Variants in ADAM22 observed in about 807,000 individuals in gnomAD.
The protein encoded by ADAM22 is disintegrin and metalloproteinase domain-containing protein 22.
ADAM22 carries 65 observed loss-of-function variants against 144.6 expected under a neutral mutation model. The observed-to-expected ratio is 0.45, with a 90% confidence interval of 0.37 to 0.55. The LOEUF is 0.55. Ranked by LOEUF, ADAM22 falls within the 20% of genes least tolerant of loss-of-function variation. The pLI, the probability that ADAM22 is intolerant of heterozygous loss-of-function variation, is 0.00. For missense variants in ADAM22, 974 were observed against 1,184.9 expected (o/e 0.82, Z 2.61); for synonymous variants, 391 against 412.6 (o/e 0.95, Z 0.63).
chr7:87,961,541 A>G (rs1479443968), intron 2 of ADAM22, among the ~76,000 whole-genome samples: 2 of 152,198 alleles, frequency 1.3e-5, no homozygotes, highest in Non-Finnish European at 2.9e-5. Context: ...TATTACTTCC[A>G]TGCACTTAAA....
intron 3 of ADAM22, among the ~76,000 whole-genome samples, chr7:87,997,548 C>T (rs1331355629): frequency 6.6e-6 from 1 of 152,204 alleles, no homozygotes; most frequent in African/African-American, 2.4e-5. Context: ...AGGTTGTTGG[C>T]ACAATTCAGT....
intron 2 of ADAM22, among the ~76,000 whole-genome samples, chr7:87,944,383 C>T (rs1431287439): frequency 2.0e-5 from 3 of 152,132 alleles, no homozygotes; most frequent in African/African-American, 7.2e-5. Flanking sequence ...GGAAGAGCTA[C>T]CACTTGACAG....
Position 88,151,049 on chromosome 7 carries a change from T to A in ADAM22, c.1617+18T>A. On this transcript the variant is annotated intron_variant, in intron 19 of 31. Coordinates refer to ENST00000413139, the MANE Select transcript of ADAM22 (RefSeq NM_001324418.2). ...GTGTTCAGGTAGGTCACTTCATTTT[T>A]ACCTATGTTTTTCACATGTACCAGC... 1 of 1,610,940 alleles carries A rather than the reference T, an allele frequency of 6.2e-7. No homozygotes were observed. The highest frequency in any genetic ancestry group is 8.5e-7 in the Non-Finnish European group (1 of 1,177,438).
chr7:88,046,983 C>G (rs1004186965), intron 3 of ADAM22, among the ~76,000 whole-genome samples: 7 of 152,170 alleles, frequency 4.6e-5, no homozygotes, highest in Admixed American at 2.0e-4. Context: ...GGGAATACAT[C>G]TTGGTGTAAT....
At chr7:88,091,419 C>T (rs1819811718) in intron 4 of ADAM22, among the ~76,000 whole-genome samples, 1 of 152,084 alleles carries the variant, frequency 6.6e-6, no homozygotes, top group South Asian at 2.1e-4. Context: ...CCAGGGATTT[C>T]CTGTATTATG....
Position 88,149,040 on chromosome 7 carries a change from T to C in ADAM22, c.1549T>C (p.Ser517Pro). The change falls in exon 18 of 32, where the codon TCA becomes CCA. Residue 517 changes from serine to proline, a missense_variant. By Grantham distance (74) the Ser-to-Pro change is moderately conservative. Coordinates refer to ENST00000413139, the MANE Select transcript of ADAM22 (RefSeq NM_001324418.2). ...VNDCDIRETC[S>P]GNSSQCAPNI... Reference sequence around the variant, plus strand: ...TGATTGTGATATTCGTGAAACGTGCTCAGGAAATTCAAGCCAGGTAATTTA... The same window carrying C: ...TGATTGTGATATTCGTGAAACGTGCCCAGGAAATTCAAGCCAGGTAATTTA... 1 of 1,612,122 alleles carries C rather than the reference T, an allele frequency of 6.2e-7. No homozygotes were observed. The highest frequency in any genetic ancestry group is 8.5e-7 in the Non-Finnish European group (1 of 1,178,682).
intron 2 of ADAM22, among the ~76,000 whole-genome samples, chr7:87,947,009 T>C (rs565244422): frequency 6.6e-6 from 1 of 152,176 alleles, no homozygotes; most frequent in East Asian, 1.9e-4. Context: ...CATTGGATAC[T>C]CATGGACATC....
intron 12 of ADAM22, 29 bp downstream of exon 12, chr7:88,132,980 G>A: frequency 1.3e-6 from 2 of 1,589,436 alleles, no homozygotes; most frequent in Non-Finnish European, 1.7e-6. Flanking sequence ...ACAATACAAA[G>A]TGGTATGATG....
intron 14 of ADAM22, among the ~76,000 whole-genome samples, chr7:88,140,984 T>C (rs995444185): frequency 1.3e-5 from 2 of 152,028 alleles, no homozygotes; most frequent in African/African-American, 4.8e-5. Flanking sequence ...AGAGGGTGTG[T>C]CATTGCATGC....
chr7:88,052,606 A>G (rs1416775820), intron 3 of ADAM22, among the ~76,000 whole-genome samples: 2 of 152,210 alleles, frequency 1.3e-5, no homozygotes, highest in Admixed American at 6.5e-5. Context: ...CACAGTACAC[A>G]TATCACAAAA....
intron 4 of ADAM22, among the ~76,000 whole-genome samples, chr7:88,083,659 C>G (rs1349107542): frequency 1.4e-5 from 2 of 139,622 alleles, no homozygotes; most frequent in Admixed American, 1.5e-4. Flanking sequence ...AAAGCAAATT[C>G]CAGACTTTAG....
At chr7:87,936,247 C>T (rs1841224862) in intron 2 of ADAM22, among the ~76,000 whole-genome samples, 1 of 151,466 alleles carries the variant, frequency 6.6e-6, no homozygotes, top group East Asian at 1.9e-4. Flanking sequence ...GGGAAATTAG[C>T]TTAAAGGGCT....
chr7:87,948,983 A>C (rs968981852), intron 2 of ADAM22, among the ~76,000 whole-genome samples: 3 of 152,194 alleles, frequency 2.0e-5, no homozygotes, highest in Non-Finnish European at 4.4e-5. Flanking sequence ...TTCTGTGACC[A>C]TTTGTTAGTG....
intron 2 of ADAM22, among the ~76,000 whole-genome samples, chr7:87,943,578 G>T (rs1317435233): frequency 6.6e-6 from 1 of 151,844 alleles, no homozygotes; most frequent in Non-Finnish European, 1.5e-5. Flanking sequence ...TTGACTTCTG[G>T]CTATCCTTTA....
At chr7:87,951,316 A>G (rs1584529567) in intron 2 of ADAM22, among the ~76,000 whole-genome samples, 2 of 135,602 alleles carry the variant, frequency 1.5e-5, no homozygotes, top group East Asian at 2.0e-4. Flanking sequence ...TAATTTGTGT[A>G]TAAGATGTAA....
intron 5 of ADAM22, among the ~76,000 whole-genome samples, chr7:88,112,815 C>T (rs1826404363): frequency 1.3e-5 from 2 of 152,184 alleles, no homozygotes; most frequent in African/African-American, 4.8e-5. Flanking sequence ...TCAGGTGATC[C>T]TCCCACCTCA....
At chr7:87,996,398 C>T (rs977822918) in intron 3 of ADAM22, among the ~76,000 whole-genome samples, 7 of 152,332 alleles carry the variant, frequency 4.6e-5, no homozygotes, top group Middle Eastern at 6.8e-3. Context: ...CAGATAGCTA[C>T]CTTCTTGCTG....
At chr7:88,010,981 G>A (rs954095570) in intron 3 of ADAM22, among the ~76,000 whole-genome samples, 2 of 152,182 alleles carry the variant, frequency 1.3e-5, no homozygotes, top group African/African-American at 4.8e-5. Flanking sequence ...TAAATGTGGT[G>A]TGCTTTTTAA....
At chr7:88,106,762 TG>T (rs1189775320) in intron 4 of ADAM22, among the ~76,000 whole-genome samples, 2 of 152,120 alleles carry the variant, frequency 1.3e-5, no homozygotes, top group African/African-American at 4.8e-5. Context: ...TACAGTAGGT[TG>T]GGGGTGGGGC....
Sources: allele counts gnomAD v4.1 joint callset (sites outside exome capture counted in the v4.1 genomes callset), GRCh38; gene constraint gnomAD v4.1.1; transcripts MANE v1.5; gene names NCBI Gene and HGNC (gene_info 2026-07-23, HGNC 2026-07-21).